ANK2: variants seen among roughly 807,000 people sequenced by gnomAD.
The protein encoded by ANK2 is ankyrin 2.
A neutral mutation model predicts 360.5 loss-of-function variants in ANK2; 83 were observed. The observed-to-expected ratio is 0.23, with a 90% CI of 0.19 to 0.28. ANK2 has a LOEUF of 0.28. ANK2 is among the 10% of genes least tolerant of loss of function. The pLI, the probability that ANK2 is intolerant of heterozygous loss-of-function variation, is 1.00. For synonymous variants in ANK2, 1,740 were observed against 1,759.5 expected, an observed-to-expected ratio of 0.99 and a Z score of 0.28; for missense variants, 4,201 against 4,795.7, an observed-to-expected ratio of 0.88 and a Z score of 3.66.
At chr4:112,958,581 T>G (rs920814804) in intron 2 of ANK2, among the ~76,000 whole-genome samples, 5 of 151,088 alleles carry the variant, frequency 3.3e-5, no homozygotes, top group African/African-American at 9.7e-5. Flanking sequence ...GAGGGAGACC[T>G]TGGAAAGAGA....
chr4:113,092,450 C>T (rs2088831805), intron 1 of ANK2, among the ~76,000 whole-genome samples: 1 of 151,882 alleles, frequency 6.6e-6, no homozygotes. Flanking sequence ...GACTCTCAGA[C>T]CCCAGCTTTG....
chr4:113,162,377 A>G (rs899987488), intron 1 of ANK2, among the ~76,000 whole-genome samples: 1 of 152,180 alleles, frequency 6.6e-6, no homozygotes, highest in Non-Finnish European at 1.5e-5. Flanking sequence ...ATTAGGACAT[A>G]CAAAACATTA....
intron 4 of ANK2, among the ~76,000 whole-genome samples, chr4:113,229,974 A>G (rs1011098049): frequency 1.3e-5 from 2 of 152,132 alleles, no homozygotes; most frequent in Admixed American, 6.5e-5. Context: ...AAAGAGCCCC[A>G]TTCCACACCC....
chr4:112,861,332 T>A (rs1241237340), intron 1 of ANK2, among the ~76,000 whole-genome samples: 1 of 152,230 alleles, frequency 6.6e-6, no homozygotes, highest in Non-Finnish European at 1.5e-5. Context: ...ATTTAGGATT[T>A]CTGAATCCTT....
intron 2 of ANK2, among the ~76,000 whole-genome samples, chr4:112,912,969 C>T (rs542211221): frequency 6.6e-6 from 1 of 152,168 alleles, no homozygotes; most frequent in South Asian, 2.1e-4. Flanking sequence ...AAGCACTAGA[C>T]TGAAAATCTG....
intron 1 of ANK2, among the ~76,000 whole-genome samples, chr4:113,166,447 A>G (rs80209317): frequency 0.029 from 4,411 of 151,562 alleles, 196 homozygotes; most frequent in African/African-American, 0.1. Context: ...GTATATATGT[A>G]TATATATATA....
At chr4:112,960,479 A>G (rs370776602) in intron 2 of ANK2, among the ~76,000 whole-genome samples, 12 of 152,240 alleles carry the variant, frequency 7.9e-5, no homozygotes, top group African/African-American at 2.4e-4. Context: ...CTGGCTCTCA[A>G]ATGTAATCGC....
chr4:112,743,616 C>T, the ANK2 span, among the ~76,000 whole-genome samples: 1 of 137,750 alleles, frequency 7.3e-6, no homozygotes, highest in Non-Finnish European at 1.5e-5. Flanking sequence ...GATCTCGGCT[C>T]ACTGCAACCT....
chr4:113,317,452 A>G (rs970482384), intron 24 of ANK2: 13 of 495,612 alleles, frequency 2.6e-5, no homozygotes, highest in Non-Finnish European at 4.4e-5. Flanking sequence ...AAGAAAATGA[A>G]TCAGATTAGG....
intron 1 of ANK2, among the ~76,000 whole-genome samples, chr4:112,829,718 G>A (rs1434622605): frequency 6.6e-6 from 1 of 152,106 alleles, no homozygotes; most frequent in Non-Finnish European, 1.5e-5. Context: ...CACTTTGGGA[G>A]GCTGAGGCTG....
chr4:112,894,697 T>C (rs1017803000), intron 1 of ANK2, among the ~76,000 whole-genome samples: 1 of 152,220 alleles, frequency 6.6e-6, no homozygotes, highest in Non-Finnish European at 1.5e-5. Context: ...TTATTTGTAT[T>C]GTCACTCCTA....
intron 1 of ANK2, chr4:112,880,751 T>A (rs1465696203): frequency 6.6e-6 from 1 of 152,246 alleles, no homozygotes; most frequent in Admixed American, 6.5e-5. Context: ...TCTTCTTTTC[T>A]CTGTTTGATT....
intron 1 of ANK2, among the ~76,000 whole-genome samples, chr4:112,880,074 T>TCTCA (rs1553963874): frequency 7.9e-4 from 119 of 150,384 alleles, no homozygotes; most frequent in Non-Finnish European, 1.1e-3. Flanking sequence ...TCTCTCTCTC[T>TCTCA]CACACACACA....
rs116834613 is a variant in ANK2 at position 112,841,487 on chromosome 4, C to G, written c.-40+23223C>G. On this transcript the variant is annotated intron_variant, in intron 1 of 30. Coordinates refer to the ANK2 transcript ENST00000503271. ...CTATGTAACATTATTACATATTGAG[C>G]TGATGATAGACATCTGGCATGCAAA... Among the ~76,000 whole-genome samples, 421 of 152,248 alleles carry G rather than the reference C, an allele frequency of 2.8e-3. 3 individuals are homozygous for G. Among genetic ancestry groups the G allele is most frequent in the African/African-American group, 9.8e-3 (408 of 41,560 alleles).
upstream of ANK2, among the ~76,000 whole-genome samples, chr4:112,814,817 A>G (rs1199192076): frequency 1.3e-5 from 2 of 152,140 alleles, no homozygotes; most frequent in African/African-American, 4.8e-5. Context: ...TGTTAACTCT[A>G]TAGATTTTGG....
At chr4:113,378,494 G>C (rs919033608) in intron 45 of ANK2, among the ~76,000 whole-genome samples, 2 of 152,194 alleles carry the variant, frequency 1.3e-5, no homozygotes, top group African/African-American at 4.8e-5. Context: ...TGTGTCGATA[G>C]ATTCAGAGAG....
chr4:113,203,004 T>C (rs1186826958), intron 4 of ANK2, among the ~76,000 whole-genome samples: 1 of 152,232 alleles, frequency 6.6e-6, no homozygotes, highest in Non-Finnish European at 1.5e-5. Flanking sequence ...CTTGGTTCTT[T>C]GGTATCCTAG....
intron 1 of ANK2, among the ~76,000 whole-genome samples, chr4:113,103,537 C>G (rs1366173373): frequency 6.6e-6 from 1 of 152,090 alleles, no homozygotes; most frequent in East Asian, 1.9e-4. Context: ...AAAAGACACT[C>G]CAGTATATAT....
At chr4:112,706,398 A>G in the ANK2 span, among the ~76,000 whole-genome samples, 1 of 152,094 alleles carries the variant, frequency 6.6e-6, no homozygotes, top group Non-Finnish European at 1.5e-5. Flanking sequence ...CACTTCACAC[A>G]CAGACACACA....
Sources: gnomAD v4.1 joint callset for allele counts (sites outside exome capture counted in the v4.1 genomes callset) on GRCh38, gnomAD v4.1.1 for gene constraint, MANE v1.5 for transcripts, NCBI Gene and HGNC (gene_info 2026-07-23, HGNC 2026-07-21) for gene names.